Variants in KCND2 observed in about 807,000 individuals in gnomAD.
KCND2 encodes the protein potassium voltage-gated channel subfamily D member 2.
In KCND2, 16 loss-of-function variants were observed where a neutral mutation model predicts 54.4. The observed-to-expected ratio is 0.29, with a 90% CI of 0.20 to 0.45. KCND2 has a LOEUF of 0.45. Among genes scored for constraint, KCND2 ranks in the 20% least tolerant of loss-of-function variants. The pLI is 1.00. For missense variants in KCND2, 486 were observed against 824.2 expected (o/e 0.59, Z 5.02); for synonymous variants, 317 against 310.7 (o/e 1.02, Z -0.21).
chr7:120,674,303 C>T (rs982278372), intron 1 of KCND2, among the ~76,000 whole-genome samples: 1 of 152,092 alleles, frequency 6.6e-6, no homozygotes, highest in Non-Finnish European at 1.5e-5. Flanking sequence ...CTGATCTAGG[C>T]GCTGCTCCAA....
chr7:120,281,637 A>G (rs1406237470), intron 1 of KCND2, among the ~76,000 whole-genome samples: 1 of 152,128 alleles, frequency 6.6e-6, no homozygotes, highest in Non-Finnish European at 1.5e-5. Flanking sequence ...TATATAATTT[A>G]TGGTTTTACC....
At chr7:120,701,240 T>TAAAAAAAAAAAAAA (rs34803439) in intron 1 of KCND2, among the ~76,000 whole-genome samples, 10 of 55,138 alleles carry the variant, frequency 1.8e-4, no homozygotes, top group African/African-American at 3.9e-4. Flanking sequence ...AATGCCTAGC[T>TAAAAAAAAAAAAAA]AAAAAAAAAA....
chr7:120,642,572 A>T (rs1793391007), intron 1 of KCND2, among the ~76,000 whole-genome samples: 1 of 142,198 alleles, frequency 7.0e-6, no homozygotes, highest in African/African-American at 2.7e-5. Flanking sequence ...TAAAAAATAA[A>T]AAAAAATATA....
Position 120,412,519 on chromosome 7 carries a change from A to ACAG in KCND2, c.1115+136772_1115+136773insCAG, listed in dbSNP as rs1486254697. ...TTTCTTACTCCTTTAAAAATTACAT[A>ACAG]TATTGTATTACATCAGTCCTCTTGT... On this transcript the variant is annotated intron_variant, in intron 1 of 5. Transcript: ENST00000331113. 5.5e-5 allele frequency among the ~76,000 whole-genome samples: 7 copies of ACAG among 126,308 alleles called. No individual in the cohort carries two copies. In the South Asian group the frequency reaches 1.5e-3, roughly 27 times the overall value. The allele number at this position is 126,308 out of a possible 152,430, so 82.9% of individuals were successfully genotyped here. A position where few individuals can be genotyped will look rare whatever the true frequency, so the allele number is the denominator to read the frequency against.
chr7:120,357,274 G>A (rs1175268720), intron 1 of KCND2, among the ~76,000 whole-genome samples: 1 of 152,040 alleles, frequency 6.6e-6, no homozygotes, highest in Admixed American at 6.6e-5. Context: ...TGAAACTGAA[G>A]ACCAATATAT....
chr7:120,491,338 C>T (rs189179676), intron 1 of KCND2, among the ~76,000 whole-genome samples: 2 of 152,140 alleles, frequency 1.3e-5, no homozygotes, highest in Admixed American at 1.3e-4. Context: ...GCACAAGGAA[C>T]TAATGTGTTG....
chr7:120,471,067 T>C (rs1363264271), intron 1 of KCND2, among the ~76,000 whole-genome samples: 2 of 152,100 alleles, frequency 1.3e-5, no homozygotes, highest in Admixed American at 6.6e-5. Context: ...AATATGCTGA[T>C]AGAAATTTCA....
At chr7:120,296,571 T>C (rs1799516494) in intron 1 of KCND2, among the ~76,000 whole-genome samples, 1 of 152,116 alleles carries the variant, frequency 6.6e-6, no homozygotes, top group Non-Finnish European at 1.5e-5. Context: ...TAAGAAAGCC[T>C]TTTTAGTTCA....
chr7:120,695,671 GTGA>G (rs1240260788), intron 1 of KCND2, among the ~76,000 whole-genome samples: 3 of 152,138 alleles, frequency 2.0e-5, no homozygotes, highest in Non-Finnish European at 2.9e-5. Context: ...TATGATGATG[GTGA>G]TGATGATGAC....
intron 1 of KCND2, among the ~76,000 whole-genome samples, chr7:120,421,140 T>C (rs1016261319): frequency 3.3e-5 from 5 of 152,240 alleles, no homozygotes; most frequent in Non-Finnish European, 7.3e-5. Flanking sequence ...AATCATAGCA[T>C]ATGCAAGTCA....
intron 1 of KCND2, among the ~76,000 whole-genome samples, chr7:120,427,202 A>C (rs1315359448): frequency 6.6e-6 from 1 of 152,144 alleles, no homozygotes; most frequent in East Asian, 1.9e-4. Context: ...ATACGCCACT[A>C]TCTGTCAACA....
At chr7:120,742,396 A>G in intron 3 of KCND2, 114 bp from the exon 4 acceptor site, 1 of 869,412 alleles carries the variant, frequency 1.2e-6, no homozygotes, top group Non-Finnish European at 2.0e-6. Flanking sequence ...CTAGTTAGAA[A>G]AAAATAAAAT....
At chr7:120,529,806 G>A (rs369201829) in intron 1 of KCND2, among the ~76,000 whole-genome samples, 24 of 152,250 alleles carry the variant, frequency 1.6e-4, no homozygotes, top group African/African-American at 5.5e-4. Flanking sequence ...GATCAGGCCA[G>A]GCATGGTGTC....
chr7:120,619,091 A>G (rs1562889535), intron 1 of KCND2, among the ~76,000 whole-genome samples: 1 of 152,240 alleles, frequency 6.6e-6, no homozygotes, highest in Non-Finnish European at 1.5e-5. Context: ...GTACTACATA[A>G]GTAGACTTAT....
At chr7:120,452,303 G>A (rs1802125013) in intron 1 of KCND2, among the ~76,000 whole-genome samples, 1 of 152,132 alleles carries the variant, frequency 6.6e-6, no homozygotes, top group Non-Finnish European at 1.5e-5. Context: ...ATCAATGACA[G>A]CCATTGCATA....
intron 1 of KCND2, among the ~76,000 whole-genome samples, chr7:120,619,986 TGG>T (rs1793077950): frequency 6.6e-6 from 1 of 152,154 alleles, no homozygotes; most frequent in Admixed American, 6.5e-5. Context: ...GCTACTCAAG[TGG>T]TTGCTTTATT....
intron 1 of KCND2, among the ~76,000 whole-genome samples, chr7:120,318,283 C>G (rs956666084): frequency 5.3e-5 from 8 of 152,068 alleles, no homozygotes; most frequent in Non-Finnish European, 8.8e-5. Context: ...GTACAAATTA[C>G]ATAGTGATGC....
chr7:120,657,748 TGAG>T lies in KCND2; in HGVS notation c.1116-75151_1116-75149del, dbSNP rs1307172835. Among the ~76,000 whole-genome samples, 11 of 152,144 alleles carry T rather than the reference TGAG, an allele frequency of 7.2e-5. No individual in the cohort carries two copies. In the East Asian group the frequency reaches 1.9e-3, roughly 27 times the overall value. The stretch of plus-strand genomic sequence containing the variant: ...CTGTAATCCTAGATACTCCGCAGGC[TGAG>T]GAGTGAGATTCGCTTGAGCCCAGGA... On this transcript the variant is annotated intron_variant, in intron 1 of 5. Transcript: ENST00000331113.
At chr7:120,357,436 A>G (rs1042448305) in intron 1 of KCND2, among the ~76,000 whole-genome samples, 3 of 152,124 alleles carry the variant, frequency 2.0e-5, no homozygotes, top group Admixed American at 1.3e-4. Context: ...AAATCTTCCT[A>G]AAGAATACTT....
Sources: allele counts gnomAD v4.1 joint callset (sites outside exome capture counted in the v4.1 genomes callset), GRCh38; gene constraint gnomAD v4.1.1; transcripts MANE v1.5; gene names NCBI Gene and HGNC (gene_info 2026-07-23, HGNC 2026-07-21).